KCP: variants seen among roughly 807,000 people sequenced by gnomAD.
KCP encodes the protein kielin/chordin-like protein.
A neutral mutation model predicts 212.7 loss-of-function variants in KCP; 194 were observed. That is an observed-to-expected ratio of 0.91 (90% CI 0.81 to 1.03). The LOEUF is 1.03. Among genes scored for constraint, KCP ranks in the 50% least tolerant of loss-of-function variants. The pLI, the probability that KCP is intolerant of heterozygous loss-of-function variation, is 0.00. For synonymous variants in KCP, 833 were observed against 865.3 expected (o/e 0.96, Z 0.65); for missense variants, 2,080 against 2,162.5 (o/e 0.96, Z 0.76).
In KCP at chr7:128,891,655, C is replaced by T. The variant is rs1402988699; in HGVS notation, c.1786G>A (p.Asp596Asn). The change falls in exon 17 of 40, where the codon GAC becomes AAC. Residue 596 changes from aspartate (D) to asparagine (N), a missense_variant. Coordinates refer to ENST00000610776, the MANE Select transcript of KCP (RefSeq NM_001366122.1). ...GACCCGCCCACCTCACCGCTGCAGTCGTTCGGGCAGCAGGTCCCAGGCAGC... is the reference window on the plus strand; with the variant it reads ...GACCCGCCCACCTCACCGCTGCAGTTGTTCGGGCAGCAGGTCCCAGGCAGC... ...HPLPGTCCPN[D>N]CSGCAFGGKE... 5.5e-6 allele frequency: 8 copies of T among 1,461,538 alleles called. No homozygotes were observed. Among genetic ancestry groups the T allele is most frequent in the South Asian group, 1.4e-5 (1 of 69,860 alleles). The allele number at this position is 1,461,538 out of a possible 1,614,324, so 90.5% of individuals were successfully genotyped here. A position where few individuals can be genotyped will look rare whatever the true frequency, so the allele number is the denominator to read the frequency against.
intron 34 of KCP, 148 bp from the exon 35 acceptor site, chr7:128,880,233 C>T: frequency 7.8e-7 from 1 of 1,286,392 alleles, no homozygotes; most frequent in Non-Finnish European, 1.1e-6. Context: ...GGTCAGGGCA[C>T]CACATCGTGG....
Position 128,891,201 on chromosome 7 carries a change from G to T in KCP, c.1956C>A (p.Cys652Ter). 1 of 1,544,062 alleles carries T rather than the reference G, an allele frequency of 6.5e-7. No homozygotes were observed. The change falls in exon 19 of 40, where the codon TGC becomes TGA. Residue 652 changes from cysteine to a stop codon, truncating the protein, a stop_gained. Transcript: ENST00000610776. LOFTEE classifies it high-confidence loss of function. ...GGCCCCTACCTGGGCACTGCGGGCA[G>T]CACTCTCCCGGCAGCAGGACAGGCT... The part of the protein sequence containing the change: ...CPEPVLLPGE[C>*]CPQCPAAPAP...
At chr7:128,894,792 G>A (rs919135684) in intron 8 of KCP, among the ~76,000 whole-genome samples, 11 of 152,286 alleles carry the variant, frequency 7.2e-5, no homozygotes, top group South Asian at 4.1e-4. Flanking sequence ...ATTTTTAGTA[G>A]AGATGGGGTT....
At position 128,887,287 on chromosome 7, in the gene KCP, A is replaced by C; in HGVS notation, c.2526T>G (p.His842Gln). The C allele has an allele frequency of 1.3e-6, 2 of 1,551,296 alleles. No individual in the cohort carries two copies. The highest frequency in any genetic ancestry group is 1.7e-6 in the Non-Finnish European group (2 of 1,146,802). ...CCPTCQGCRY[H>Q]GVTTASGETL... ...TCTCTCCGGAGGCAGTAGTGACGCC[A>C]TGGTAGCGGCATCCTGGCAGAGCGG... is the stretch of plus-strand genomic sequence containing the variant. The change falls in exon 23 of 40, where the codon CAT (histidine) becomes CAG (glutamine). Residue 842 changes from histidine to glutamine, a missense_variant. His to Gln is a conservative substitution (Grantham distance 24, BLOSUM62 0). Coordinates refer to ENST00000610776, the MANE Select transcript of KCP (RefSeq NM_001366122.1).
At position 128,877,728 on chromosome 7, in the gene KCP, C is replaced by T. The variant is rs1793079488; in HGVS notation, c.4374G>A (p.Arg1458=). The part of the protein sequence containing the change: ...CSAGREVDPC[R]AAGYRARREA... The stretch of plus-strand genomic sequence containing the variant: ...CACGCCTGGCACGGTAACCTGCTGC[C>T]CGGCACGGATCCACCTCTCGGCCTG... Residue 1458 remains arginine, a synonymous_variant, in exon 39 of 40, where the codon CGG becomes CGA. Transcript: ENST00000610776. 6.4e-7 allele frequency: 1 copy of T among 1,550,890 alleles called. No individual in the cohort carries two copies. The highest frequency in any genetic ancestry group is 1.4e-5 in the African/African-American group (1 of 73,056).
At chr7:128,890,219 C>G (rs1794003112) in intron 21 of KCP, 124 bp downstream of exon 21, 1 of 1,528,662 alleles carries the variant, frequency 6.5e-7, no homozygotes, top group African/African-American at 1.4e-5. Flanking sequence ...GGCTCCCAGC[C>G]TCGGGGCTTT....
Position 128,891,656 on chromosome 7 carries a change from G to C in KCP, c.1785C>G (p.Asn595Lys). The C allele has an allele frequency of 1.4e-6, 2 of 1,461,808 alleles. No individual in the cohort carries two copies. The highest frequency in any genetic ancestry group is 1.4e-5 in the South Asian group (1 of 69,844). 90.6% of individuals were successfully genotyped at this position (1,461,808 alleles called of 1,614,324 possible). A position where few individuals can be genotyped will look rare whatever the true frequency, so the allele number is the denominator to read the frequency against. ...ACCCGCCCACCTCACCGCTGCAGTCGTTCGGGCAGCAGGTCCCAGGCAGCG... is the reference window on the plus strand; with the variant it reads ...ACCCGCCCACCTCACCGCTGCAGTCCTTCGGGCAGCAGGTCCCAGGCAGCG... ...AHPLPGTCCP[N>K]DCSGCAFGGK... is the part of the protein sequence containing the mutation. The change falls in exon 17 of 40, where the codon AAC becomes AAG. Residue 595 changes from asparagine to lysine, a missense_variant. Asn to Lys is a moderately conservative substitution (Grantham distance 94, BLOSUM62 0). Transcript: ENST00000610776.
chr7:128,880,447 G>A lies in KCP; in HGVS notation c.3698C>T (p.Ser1233Phe). The change falls in exon 34 of 40, where the codon TCC becomes TTC. Residue 1233 changes from serine to phenylalanine, a missense_variant. Coordinates refer to ENST00000610776, the MANE Select transcript of KCP (RefSeq NM_001366122.1). Reference protein sequence around the residue: ...RWTVDTCTSCSCMAGTVRCQS... With the variant: ...RWTVDTCTSCFCMAGTVRCQS... ...GCAACGCACGGTGCCCGCCATGCAG[G>A]AGCAGCTGGTGCAGGTGTCCACAGT... The A allele has an allele frequency of 1.3e-6, 2 of 1,547,622 alleles. No homozygotes were observed. Among genetic ancestry groups the A allele is most frequent in the Non-Finnish European group, 1.7e-6 (2 of 1,145,192 alleles).
At chr7:128,908,662 G>A (rs183042211) in intron 1 of KCP, 94 bp from the exon 2 acceptor site, 2 of 1,364,212 alleles carry the variant, frequency 1.5e-6, no homozygotes, top group East Asian at 5.1e-5. Context: ...AGGGGAAGGG[G>A]GTCATCCTGT....
intron 8 of KCP, among the ~76,000 whole-genome samples, chr7:128,897,930 A>G (rs773016209): frequency 6.6e-6 from 1 of 152,254 alleles, no homozygotes; most frequent in Non-Finnish European, 1.5e-5. Context: ...AGAAAGTCCC[A>G]AGCATATTGT....
At chr7:128,906,422 T>G in intron 4 of KCP, 59 bp from the exon 5 acceptor site, 1 of 1,252,876 alleles carries the variant, frequency 8.0e-7, no homozygotes, top group Non-Finnish European at 1.1e-6. Context: ...GCAGGGCCTC[T>G]GGAAGTAAAA....
At chr7:128,899,995 A>G (rs1217261147) in intron 8 of KCP, among the ~76,000 whole-genome samples, 1 of 152,174 alleles carries the variant, frequency 6.6e-6, no homozygotes, top group Non-Finnish European at 1.5e-5. Context: ...TAACAGGCCC[A>G]GGAGCCCCAA....
chr7:128,908,274 G>GAAAGAAAGAAAGAA (rs1563057032), intron 2 of KCP, among the ~76,000 whole-genome samples, 152 bp downstream of exon 2: 12 of 149,900 alleles, frequency 8.0e-5, no homozygotes, highest in Non-Finnish European at 3.0e-5. Flanking sequence ...AAGAAAGAAA[G>GAAAGAAAGAAAGAA]AAAGAAAGAA....
In KCP at chr7:128,891,836, G is replaced by C. The variant is rs1563037379; in HGVS notation, c.1622-17C>G. On this transcript the variant is annotated splice_polypyrimidine_tract_variant and intron_variant, in intron 16 of 39. Transcript: ENST00000610776. Reference sequence around the variant, plus strand: ...GGATGCAGTCTGGGCAGTGGATGGTGGGGGCAGGTATGAGGGCAAAGCCTG... The same window carrying C: ...GGATGCAGTCTGGGCAGTGGATGGTCGGGGCAGGTATGAGGGCAAAGCCTG... 2.1e-6 allele frequency: 3 copies of C among 1,436,946 alleles called. No individual in the cohort carries two copies. The highest frequency in any genetic ancestry group is 2.7e-6 in the Non-Finnish European group (3 of 1,092,578). 89.0% of individuals were successfully genotyped at this position (1,436,946 alleles called of 1,614,324 possible).
At chr7:128,883,011 G>A (rs1793422696) in intron 29 of KCP, among the ~76,000 whole-genome samples, 1 of 151,888 alleles carries the variant, frequency 6.6e-6, no homozygotes, top group African/African-American at 2.4e-5. Context: ...GTTGCAGTGA[G>A]CCGAGATTGT....
chr7:128,903,937 A>G, intron 6 of KCP, 117 bp from the exon 7 acceptor site: 2 of 1,346,778 alleles, frequency 1.5e-6, no homozygotes, highest in Admixed American at 2.0e-5. Flanking sequence ...GGGAGAACCT[A>G]GCTGGCTCCA....
At position 128,908,569 on chromosome 7, in the gene KCP, C is replaced by A. The variant is rs1411405470; in HGVS notation, c.77-1G>T. The A allele has an allele frequency of 6.5e-7, 1 of 1,549,870 alleles. No homozygotes were observed. Among genetic ancestry groups the A allele is most frequent in the Admixed American group, 2.0e-5 (1 of 50,924 alleles). On this transcript the variant is annotated splice_acceptor_variant, in intron 1 of 39. Coordinates refer to ENST00000610776, the MANE Select transcript of KCP (RefSeq NM_001366122.1). LOFTEE classifies it high-confidence loss of function. Reference sequence around the variant, plus strand: ...GGGGGCTCCCTGGGGACAGCCCCACCTGAAGGGCACAAGAATCCCATGTGG... The same window carrying A: ...GGGGGCTCCCTGGGGACAGCCCCACATGAAGGGCACAAGAATCCCATGTGG...
intron 26 of KCP, 116 bp from the exon 27 acceptor site, chr7:128,885,386 T>A: frequency 9.2e-7 from 1 of 1,090,568 alleles, no homozygotes; most frequent in Non-Finnish European, 1.3e-6. Flanking sequence ...TTTGCAGGGA[T>A]ATGGCGGGAA....
At chr7:128,880,825 A>G (rs1563020384) in intron 32 of KCP, 104 bp from the exon 33 acceptor site, 1 of 402,702 alleles carries the variant, frequency 2.5e-6, no homozygotes, top group African/African-American at 2.1e-5. Context: ...CCCCTCCCAC[A>G]ATACATTCTT....
Sources: gnomAD v4.1 joint callset for allele counts (sites outside exome capture counted in the v4.1 genomes callset) on GRCh38, gnomAD v4.1.1 for gene constraint, MANE v1.5 for transcripts, NCBI Gene and HGNC (gene_info 2026-07-23, HGNC 2026-07-21) for gene names.